Variants in ARMH1 observed in about 807,000 individuals in gnomAD.
ARMH1 encodes the protein armadillo-like helical domain containing protein 1.
ARMH1 carries 34 observed loss-of-function variants against 50.2 expected under a neutral mutation model. That is an observed-to-expected ratio of 0.68 (90% CI 0.51 to 0.90). The LOEUF is 0.90. Ranked by LOEUF, ARMH1 falls within the 40% of genes least tolerant of loss-of-function variation. ARMH1 has a pLI of 0.00. For synonymous variants in ARMH1, 221 were observed against 224.2 expected, an observed-to-expected ratio of 0.99 and a Z score of 0.13; for missense variants, 538 against 553.9, an observed-to-expected ratio of 0.97 and a Z score of 0.29.
chr1:44,724,693 G>T lies in ARMH1; in HGVS notation c.1050+25G>T. 6.8e-7 allele frequency: 1 copy of T among 1,480,164 alleles called. No individual in the cohort carries two copies. The allele number at this position is 1,480,164 out of a possible 1,614,324, so 91.7% of individuals were successfully genotyped here. A position where few individuals can be genotyped will look rare whatever the true frequency, so the allele number is the denominator to read the frequency against. Reference sequence around the variant, plus strand: ...GGTGCGCGCGGCGGCTGGTTAGGGGGCGGGAAGGGCGGCGGCACCCGCAGC... The same window carrying T: ...GGTGCGCGCGGCGGCTGGTTAGGGGTCGGGAAGGGCGGCGGCACCCGCAGC... On this transcript the variant is annotated intron_variant, in intron 9 of 11. Coordinates refer to ENST00000535358, the MANE Select transcript of ARMH1 (RefSeq NM_001145636.2). The surrounding 1 kb of genome is among the most constrained non-coding windows in gnomAD (Gnocchi z 6.4).
chr1:44,694,325 G>A (rs1461113322), intron 2 of ARMH1, among the ~76,000 whole-genome samples: 1 of 152,048 alleles, frequency 6.6e-6, no homozygotes, highest in Non-Finnish European at 1.5e-5. Flanking sequence ...GGATTTTGGA[G>A]GAAAACAAGT....
At chr1:44,700,796 C>T (rs898061542) in intron 4 of ARMH1, 127 bp from the exon 5 acceptor site, 19 of 730,286 alleles carry the variant, frequency 2.6e-5, no homozygotes, top group Non-Finnish European at 3.7e-5. Flanking sequence ...AGAACCAGGC[C>T]TCAATTTTGC....
At chr1:44,694,015 T>G (rs1190969892) in intron 2 of ARMH1, among the ~76,000 whole-genome samples, 1 of 152,194 alleles carries the variant, frequency 6.6e-6, no homozygotes, top group Non-Finnish European at 1.5e-5. Flanking sequence ...GTCTGAGCAT[T>G]CTGTGCTTTT....
At chr1:44,698,639 C>T (rs766229925) in intron 4 of ARMH1, among the ~76,000 whole-genome samples, 4 of 150,890 alleles carry the variant, frequency 2.7e-5, no homozygotes, top group East Asian at 2.0e-4. Flanking sequence ...GGAGAAACCC[C>T]GTCTCTACTA....
chr1:44,694,619 C>G (rs1239676717), intron 2 of ARMH1, among the ~76,000 whole-genome samples: 1 of 150,980 alleles, frequency 6.6e-6, no homozygotes, highest in East Asian at 2.0e-4. Flanking sequence ...AAGCGATTCT[C>G]CTGCCTCAGC....
At chr1:44,700,396 T>C (rs1314306430) in intron 4 of ARMH1, among the ~76,000 whole-genome samples, 3 of 152,036 alleles carry the variant, frequency 2.0e-5, no homozygotes, top group Non-Finnish European at 4.4e-5. Flanking sequence ...GGTGGGCGCA[T>C]CACGAGGTCA....
intron 1 of ARMH1, among the ~76,000 whole-genome samples, chr1:44,678,272 A>G (rs1645199319): frequency 6.6e-6 from 1 of 151,672 alleles, no homozygotes; most frequent in African/African-American, 2.4e-5. Context: ...GTCTGGGGAG[A>G]AGAAGAGTGG....
In ARMH1 at chr1:44,706,818, C is replaced by T. The variant is rs74450469; in HGVS notation, c.724+2645C>T. ...GGACCTAAGTAATAGTCAGACCCTG[C>T]ACCAGAGGGTTGTCACTGGCATTGG... On this transcript the variant is annotated intron_variant, in intron 6 of 11. Transcript: ENST00000535358. Among the ~76,000 whole-genome samples the T allele has an allele frequency of 2.3e-3, 355 of 152,164 alleles. 1 individual carries two copies. The highest frequency in any genetic ancestry group is 6.8e-3 in the Middle Eastern group (2 of 294).
At chr1:44,693,236 C>G (rs1557526253) in intron 2 of ARMH1, among the ~76,000 whole-genome samples, 1 of 152,152 alleles carries the variant, frequency 6.6e-6, no homozygotes, top group East Asian at 1.9e-4. Flanking sequence ...CTGCCTATAA[C>G]CTGGCTCCTG....
intron 6 of ARMH1, among the ~76,000 whole-genome samples, chr1:44,706,349 G>T (rs1049497259): frequency 1.3e-5 from 2 of 152,200 alleles, no homozygotes; most frequent in Non-Finnish European, 2.9e-5. Context: ...GCAGCTTATG[G>T]ATGTCAGAGT....
At chr1:44,703,203 T>A (rs144924597) in intron 5 of ARMH1, among the ~76,000 whole-genome samples, 1 of 152,244 alleles carries the variant, frequency 6.6e-6, no homozygotes, top group African/African-American at 2.4e-5. Context: ...ATGAGTTCCA[T>A]TCTCCTTGCC....
At chr1:44,704,735 C>G (rs747376626) in intron 6 of ARMH1, among the ~76,000 whole-genome samples, 12 of 152,054 alleles carry the variant, frequency 7.9e-5, no homozygotes, top group Non-Finnish European at 1.8e-4. Flanking sequence ...TGGTCTTGAA[C>G]TCCAGGCCTC....
intron 2 of ARMH1, among the ~76,000 whole-genome samples, chr1:44,694,996 G>A (rs1426061583): frequency 6.6e-6 from 1 of 152,164 alleles, no homozygotes; most frequent in Non-Finnish European, 1.5e-5. Flanking sequence ...AGAACCGGGT[G>A]TCTGTCCGAA....
chr1:44,703,204 T>C (rs564664365), intron 5 of ARMH1, among the ~76,000 whole-genome samples: 1 of 152,160 alleles, frequency 6.6e-6, no homozygotes, highest in East Asian at 1.9e-4. Context: ...TGAGTTCCAT[T>C]CTCCTTGCCC....
chr1:44,701,288 TC>T (rs1186073226), intron 5 of ARMH1, among the ~76,000 whole-genome samples, 169 bp downstream of exon 5: 1 of 152,184 alleles, frequency 6.6e-6, no homozygotes, highest in Non-Finnish European at 1.5e-5. Context: ...GGCAGAGAGT[TC>T]ATGCCTCCCA....
intron 6 of ARMH1, among the ~76,000 whole-genome samples, chr1:44,722,284 T>C (rs953014093): frequency 6.6e-6 from 1 of 152,086 alleles, no homozygotes; most frequent in Admixed American, 6.6e-5. Flanking sequence ...CGGTGCACAG[T>C]GACTCACACC....
chr1:44,725,418 A>T lies in ARMH1; in HGVS notation c.*15A>T, dbSNP rs768553962. On this transcript the variant is annotated 3_prime_UTR_variant, in exon 12 of 12. Transcript: ENST00000535358. ...CAAAGGAGTAACAGCCCCTGTGGCA[A>T]ACCAGGAAGGCCAAGGCTGCGGGGC... 431 of 1,551,386 alleles carry T rather than the reference A, an allele frequency of 2.8e-4. No individual in the cohort carries two copies. The highest frequency in any genetic ancestry group is 2.8e-4 in the Non-Finnish European group (323 of 1,146,744).
At chr1:44,709,486 C>G (rs983367380) in intron 6 of ARMH1, among the ~76,000 whole-genome samples, 1 of 152,128 alleles carries the variant, frequency 6.6e-6, no homozygotes, top group Admixed American at 6.5e-5. Flanking sequence ...TCCTGGCTAA[C>G]ACGGTGAAAC....
intron 1 of ARMH1, among the ~76,000 whole-genome samples, chr1:44,685,922 G>C (rs998837184): frequency 2.0e-5 from 3 of 152,072 alleles, no homozygotes; most frequent in Admixed American, 2.0e-4. Flanking sequence ...CACCGCGCCC[G>C]GCCCAGATAG....
Sources: gnomAD v4.1 joint callset for allele counts (sites outside exome capture counted in the v4.1 genomes callset) on GRCh38, gnomAD v4.1.1 for gene constraint, Gnocchi (gnomAD v3.1) non-coding constraint, MANE v1.5 for transcripts, NCBI Gene and HGNC (gene_info 2026-07-23, HGNC 2026-07-21) for gene names.